Variants in GRIK2 observed in about 807,000 individuals in gnomAD.
GRIK2 encodes the protein glutamate ionotropic receptor kainate type subunit 2, also known as glutamate receptor ionotropic, kainate 2.
In GRIK2, 32 loss-of-function variants were observed where a neutral mutation model predicts 100.3. The observed-to-expected ratio is 0.32, with a 90% CI of 0.24 to 0.43. The LOEUF (loss-of-function observed/expected upper bound fraction) is 0.43, where lower values mean the gene tolerates loss of function less well. Among genes scored for constraint, GRIK2 ranks in the 20% least tolerant of loss-of-function variants. GRIK2 has a pLI of 1.00. For synonymous variants in GRIK2, 417 were observed against 389.4 expected, an observed-to-expected ratio of 1.07 and a Z score of -0.83; for missense variants, 843 against 1,114.9, an observed-to-expected ratio of 0.76 and a Z score of 3.47.
chr6:101,403,026 C>T (rs1775409437), intron 2 of GRIK2, among the ~76,000 whole-genome samples: 1 of 152,188 alleles, frequency 6.6e-6, no homozygotes, highest in South Asian at 2.1e-4. Context: ...TGACCCCAGC[C>T]TGTACGGAAG....
chr6:101,930,567 C>T (rs748148006), intron 14 of GRIK2, among the ~76,000 whole-genome samples: 3 of 151,816 alleles, frequency 2.0e-5, no homozygotes, highest in East Asian at 1.9e-4. Flanking sequence ...TAAACATTTC[C>T]GTTTTAATTT....
chr6:102,066,789 ATAAT>A (rs1408240575), intron 16 of GRIK2, among the ~76,000 whole-genome samples: 1 of 151,726 alleles, frequency 6.6e-6, no homozygotes, highest in African/African-American at 2.4e-5. Flanking sequence ...AATGCTATTA[ATAAT>A]TGATATTTTA....
intron 11 of GRIK2, among the ~76,000 whole-genome samples, chr6:101,875,025 C>T (rs978350717): frequency 3.9e-5 from 6 of 152,140 alleles, no homozygotes; most frequent in African/African-American, 1.4e-4. Context: ...TCTAGATATA[C>T]AATCATGTCA....
intron 2 of GRIK2, among the ~76,000 whole-genome samples, chr6:101,445,176 T>C (rs951313274): frequency 2.0e-5 from 3 of 152,112 alleles, no homozygotes; most frequent in African/African-American, 7.2e-5. Context: ...TTAGTCTTCC[T>C]CAATGGCTTT....
chr6:101,424,310 C>A (rs923934268), intron 2 of GRIK2, among the ~76,000 whole-genome samples: 2 of 150,570 alleles, frequency 1.3e-5, no homozygotes, highest in African/African-American at 4.9e-5. Flanking sequence ...CTAATGCTAT[C>A]CCTCCCCCAT....
chr6:101,453,993 C>G (rs1486356963), intron 2 of GRIK2, among the ~76,000 whole-genome samples: 3 of 151,962 alleles, frequency 2.0e-5, no homozygotes, highest in Admixed American at 6.6e-5. Flanking sequence ...AAGCCCAACA[C>G]CAATAACCGT....
At chr6:101,595,636 A>G (rs1778881485) in intron 2 of GRIK2, among the ~76,000 whole-genome samples, 1 of 151,038 alleles carries the variant, frequency 6.6e-6, no homozygotes, top group South Asian at 2.1e-4. Flanking sequence ...GCATACACAC[A>G]CAGACATATA....
At chr6:101,728,738 G>A (rs138860051) in intron 7 of GRIK2, among the ~76,000 whole-genome samples, 1 of 152,128 alleles carries the variant, frequency 6.6e-6, no homozygotes, top group East Asian at 1.9e-4. Context: ...TCTATGACAA[G>A]TGTAATTCTG....
rs143830241 is a variant in GRIK2, at chr6:101,704,682, C to T, written c.951+18329C>T. Among the ~76,000 whole-genome samples, 1,371 of 150,978 alleles carry T rather than the reference C, an allele frequency of 9.1e-3. 14 individuals are homozygous for T. The highest frequency in any genetic ancestry group is 0.02 in the Middle Eastern group (6 of 294). ...AGCCTCCTCCCTTCTCCCCACCCCC[C>T]GAAAAAAACCCATGTAACAGAAATA... On this transcript the variant is annotated intron_variant, in intron 7 of 16. Coordinates refer to ENST00000369134, the MANE Select transcript of GRIK2 (RefSeq NM_021956.5).
At chr6:101,792,842 C>T (rs1030051764) in intron 7 of GRIK2, among the ~76,000 whole-genome samples, 9 of 152,118 alleles carry the variant, frequency 5.9e-5, no homozygotes, top group African/African-American at 2.2e-4. Context: ...CTTTCAGGTA[C>T]ACCAATCAGA....
At chr6:101,633,361 A>G (rs1417683335) in intron 4 of GRIK2, among the ~76,000 whole-genome samples, 1 of 152,162 alleles carries the variant, frequency 6.6e-6, no homozygotes, top group African/African-American at 2.4e-5. Context: ...GACATTCTAG[A>G]CTGAAATCCT....
intron 14 of GRIK2, among the ~76,000 whole-genome samples, chr6:101,935,772 C>T (rs1204302385): frequency 1.3e-5 from 2 of 151,962 alleles, no homozygotes; most frequent in East Asian, 3.9e-4. Context: ...GCTATTTTAA[C>T]TGGCAAAAGT....
At chr6:101,981,100 C>A (rs1226294365) in intron 14 of GRIK2, among the ~76,000 whole-genome samples, 1 of 151,636 alleles carries the variant, frequency 6.6e-6, no homozygotes, top group Non-Finnish European at 1.5e-5. Flanking sequence ...TTCCATTAAC[C>A]ACATTAGCTG....
chr6:101,767,395 CTCTT>C (rs553825139), intron 7 of GRIK2, among the ~76,000 whole-genome samples: 83 of 152,138 alleles, frequency 5.5e-4, no homozygotes, highest in African/African-American at 1.9e-3. Context: ...ATTATGATCT[CTCTT>C]TCTTTCTTTA....
chr6:102,058,275 T>C (rs1242334412), intron 16 of GRIK2, among the ~76,000 whole-genome samples: 1 of 151,712 alleles, frequency 6.6e-6, no homozygotes, highest in African/African-American at 2.4e-5. Context: ...GACAAATACC[T>C]AGTATTTTTT....
intron 4 of GRIK2, among the ~76,000 whole-genome samples, chr6:101,643,503 T>C (rs186264902): frequency 2.6e-4 from 39 of 151,880 alleles, no homozygotes; most frequent in African/African-American, 9.1e-4. Flanking sequence ...TGACCACATA[T>C]GTTAGAGTTT....
intron 11 of GRIK2, among the ~76,000 whole-genome samples, chr6:101,866,900 TTGTG>T (rs60775585): frequency 6.7e-6 from 1 of 149,326 alleles, no homozygotes; most frequent in Admixed American, 6.7e-5. Context: ...CTTAATTTCA[TTGTG>T]TGTGTGTGTG....
At chr6:101,423,105 C>T (rs9885915) in intron 2 of GRIK2, among the ~76,000 whole-genome samples, 4,001 of 152,202 alleles carry the variant, frequency 0.026, 193 homozygotes, top group African/African-American at 0.092. Flanking sequence ...ATAGAGACAC[C>T]GGTCTTTGTA....
intron 11 of GRIK2, among the ~76,000 whole-genome samples, chr6:101,881,509 T>A (rs1286783312): frequency 1.3e-5 from 2 of 151,954 alleles, no homozygotes; most frequent in Non-Finnish European, 2.9e-5. Flanking sequence ...AGTATTGATA[T>A]GCAAGATCTC....
Sources: allele counts gnomAD v4.1 joint callset (sites outside exome capture counted in the v4.1 genomes callset), GRCh38; gene constraint gnomAD v4.1.1; transcripts MANE v1.5; gene names NCBI Gene and HGNC (gene_info 2026-07-23, HGNC 2026-07-21).